The following DDX25 variants were observed in gnomAD, a reference collection of about 807,000 sequenced individuals.
DDX25 encodes the protein ATP-dependent RNA helicase DDX25.
In DDX25, 70 loss-of-function variants were observed where a neutral mutation model predicts 64.6. The ratio of observed to expected loss-of-function variants is 1.08; its 90% confidence interval spans 0.89 to 1.32. DDX25 has a LOEUF of 1.32. Ranked by LOEUF, DDX25 falls within the 40% of genes most tolerant of loss-of-function variation. The pLI is 0.00. For missense variants in DDX25, 587 were observed against 604.4 expected (o/e 0.97, Z 0.30); for synonymous variants, 211 against 213.3 (o/e 0.99, Z 0.09).
At chr11:125,905,379 T>C (rs991144588) in intron 2 of DDX25, 101 bp downstream of exon 2, 13 of 1,400,274 alleles carry the variant, frequency 9.3e-6, no homozygotes, top group Non-Finnish European at 3.0e-6. Context: ...GATTCATTAG[T>C]GTGACATTCA....
intron 6 of DDX25, 22 bp from the exon 7 acceptor site, chr11:125,910,342 C>G (rs973493985): frequency 1.2e-5 from 20 of 1,604,560 alleles, no homozygotes; most frequent in Non-Finnish European, 1.6e-5. Flanking sequence ...TTCTCCTCCC[C>G]TCTTCTCTCT....
Position 125,923,046 on chromosome 11 carries a change from C to A in DDX25, c.*165C>A. 18 of 571,512 alleles carry A rather than the reference C, an allele frequency of 3.1e-5. No homozygotes were observed. The highest frequency in any genetic ancestry group is 2.0e-4 in the South Asian group (7 of 35,790). 35.4% of individuals were successfully genotyped at this position (571,512 alleles called of 1,614,324 possible). A position where few individuals can be genotyped will look rare whatever the true frequency, so the allele number is the denominator to read the frequency against. ...TTTAAGACATGAGGTCTTTTTGAAG[C>A]CAAATTGATGTGAAGCTTGTGATCC... On this transcript the variant is annotated 3_prime_UTR_variant, in exon 12 of 12. Transcript: ENST00000263576.
chr11:125,909,586 ATTG>A (rs1944938447), intron 6 of DDX25, among the ~76,000 whole-genome samples: 1 of 151,550 alleles, frequency 6.6e-6, no homozygotes, highest in Non-Finnish European at 1.5e-5. Flanking sequence ...CATATTATGT[ATTG>A]TAAAGATATA....
rs376348294 is a variant in DDX25 at position 125,911,821 on chromosome 11, G to T, written c.800+333G>T. Among the ~76,000 whole-genome samples the T allele has an allele frequency of 1.5e-4, 23 of 152,316 alleles. No individual in the cohort carries two copies. The East Asian group carries it at 2.3e-3, about 15-fold the overall frequency. On this transcript the variant is annotated intron_variant, in intron 8 of 11. Transcript: ENST00000263576. ...AAGAGGATCTGTTAAAGCCTAGTGA[G>T]AATACAATGGATAATTGAGATAGAG...
chr11:125,921,167 C>G lies in DDX25; in HGVS notation c.1202-24C>G, dbSNP rs374981396. 9.8e-4 allele frequency: 1,572 copies of G among 1,597,308 alleles called. 30 individuals are homozygous for G. In the South Asian group the frequency reaches 0.017, roughly 17 times the overall value. ...TGTACTGAGGAAAGCATTGCAGGAC[C>G]CTACAGTGTTTTTCCTCTTCTAGGG... On this transcript the variant is annotated intron_variant, in intron 10 of 11. Transcript: ENST00000263576. The surrounding 1 kb of genome is among the most constrained non-coding windows in gnomAD (Gnocchi z 4.1).
Position 125,904,525 on chromosome 11 carries a change from C to A in DDX25, c.8C>A (p.Ser3Ter), listed in dbSNP as rs1218968908. ...GGAGCAGCAATCGCAGCCATGGCGT[C>A]GTTACTGTGGGGAGGCGACGCAGGG... The part of the protein sequence containing the change: MA[S>*]LLWGGDAGAA... The change falls in exon 1 of 12, where the codon TCG becomes TAG. Residue 3 changes from serine to a stop codon, truncating the protein, a stop_gained. Coordinates refer to ENST00000263576, the MANE Select transcript of DDX25 (RefSeq NM_013264.5). LOFTEE classifies it high-confidence loss of function. 2.0e-6 allele frequency: 3 copies of A among 1,491,412 alleles called. No homozygotes were observed. Among genetic ancestry groups the A allele is most frequent in the Non-Finnish European group, 2.7e-6 (3 of 1,121,280 alleles). 92.4% of individuals were successfully genotyped at this position (1,491,412 alleles called of 1,614,324 possible).
rs184208077 is a variant in DDX25 at position 125,927,496 on chromosome 11, A to G, written c.*4615A>G. 1.1e-4 allele frequency: 16 copies of G among 152,340 alleles called. No individual in the cohort carries two copies. The East Asian group carries it at 3.1e-3, about 29-fold the overall frequency. 9.4% of individuals were successfully genotyped at this position (152,340 alleles called of 1,614,324 possible). On this transcript the variant is annotated 3_prime_UTR_variant, in exon 12 of 12. Transcript: ENST00000263576. The stretch of plus-strand genomic sequence containing the variant: ...TCTTTGGGAATTAACCTTTGCCCAT[A>G]ATTATTTCTGTTCAGTAGAATAACC...
At chr11:125,910,330 C>A in intron 6 of DDX25, 34 bp from the exon 7 acceptor site, 1 of 1,582,464 alleles carries the variant, frequency 6.3e-7, no homozygotes, top group South Asian at 1.1e-5. Context: ...CTGTAAGAAC[C>A]TTTCTCCTCC....
intron 8 of DDX25, 117 bp downstream of exon 8, chr11:125,911,605 T>G (rs1490216148): frequency 4.6e-6 from 5 of 1,091,102 alleles, no homozygotes; most frequent in Non-Finnish European, 5.1e-6. Flanking sequence ...ACCTCTAAAA[T>G]AAATTTGAGT....
At chr11:125,909,844 G>A (rs575572718) in intron 6 of DDX25, among the ~76,000 whole-genome samples, 1 of 152,214 alleles carries the variant, frequency 6.6e-6, no homozygotes, top group East Asian at 1.9e-4. Context: ...TAGAGGTGGT[G>A]TTTTGCCATT....
At chr11:125,904,417 G>T, upstream of DDX25, 2 of 1,166,286 alleles carry the variant, frequency 1.7e-6, no homozygotes, top group Non-Finnish European at 1.1e-6. Context: ...GGACGCGGAC[G>T]CCTGCCCCCT....
intron 8 of DDX25, among the ~76,000 whole-genome samples, chr11:125,915,996 G>A (rs2134281112): frequency 6.6e-6 from 1 of 152,288 alleles, no homozygotes; most frequent in Middle Eastern, 3.4e-3. Flanking sequence ...GATTTGGGCA[G>A]CTAAGAAGAT....
At chr11:125,914,354 C>T (rs554387987) in intron 8 of DDX25, among the ~76,000 whole-genome samples, 2 of 152,284 alleles carry the variant, frequency 1.3e-5, no homozygotes, top group South Asian at 4.2e-4. Flanking sequence ...GGGGGATAGA[C>T]CCTTGGTTGC....
chr11:125,908,851 C>T (rs974539277), intron 6 of DDX25, among the ~76,000 whole-genome samples: 12 of 152,192 alleles, frequency 7.9e-5, no homozygotes, highest in Non-Finnish European at 1.8e-4. Context: ...AGCACAGTGC[C>T]TGGCTTGTAG....
At chr11:125,914,395 G>A (rs886909773) in intron 8 of DDX25, among the ~76,000 whole-genome samples, 1 of 152,216 alleles carries the variant, frequency 6.6e-6, no homozygotes, top group Non-Finnish European at 1.5e-5. Context: ...AGGGGAACAG[G>A]CTGAGAGGGC....
intron 4 of DDX25, among the ~76,000 whole-genome samples, chr11:125,906,696 C>T (rs371517965): frequency 9.2e-5 from 14 of 151,512 alleles, no homozygotes; most frequent in South Asian, 2.1e-4. Flanking sequence ...CATGGTGGCG[C>T]GCACCTGTAA....
intron 3 of DDX25, 112 bp from the exon 4 acceptor site, chr11:125,905,960 GAA>G (rs1591514087): frequency 7.5e-7 from 1 of 1,328,922 alleles, no homozygotes. Context: ...TCTTTTAGAG[GAA>G]AAATGAGCGT....
chr11:125,922,614 C>T, intron 11 of DDX25: 2 of 461,864 alleles, frequency 4.3e-6, no homozygotes, highest in East Asian at 3.3e-5. Flanking sequence ...TCTGCCCCAG[C>T]GTATCTAGAT....
intron 8 of DDX25, 89 bp downstream of exon 8, chr11:125,911,577 T>C: frequency 1.5e-6 from 2 of 1,311,638 alleles, no homozygotes; most frequent in Non-Finnish European, 2.1e-6. Context: ...CTTTATTGCT[T>C]AACTCCTCAC....
Sources: gnomAD v4.1 joint callset for allele counts (sites outside exome capture counted in the v4.1 genomes callset) on GRCh38, gnomAD v4.1.1 for gene constraint, Gnocchi (gnomAD v3.1) non-coding constraint, MANE v1.5 for transcripts, NCBI Gene and HGNC (gene_info 2026-07-23, HGNC 2026-07-21) for gene names.